Variants in CYP7B1 observed in about 807,000 individuals in gnomAD.
The protein encoded by CYP7B1 is cytochrome P450 7B1.
A neutral mutation model predicts 42.7 loss-of-function variants in CYP7B1; 29 were observed. The observed-to-expected ratio is 0.68, with a 90% CI of 0.51 to 0.93. The LOEUF (loss-of-function observed/expected upper bound fraction) is 0.93, where lower values mean the gene tolerates loss of function less well. Among genes scored for constraint, CYP7B1 ranks in the 40% least tolerant of loss-of-function variants. The probability of loss-of-function intolerance (pLI) is 0.00; values close to 1 mark genes in which losing one functional copy is unlikely to be tolerated. For synonymous variants in CYP7B1, 235 were observed against 218.2 expected (o/e 1.08, Z -0.68); for missense variants, 655 against 600.5 (o/e 1.09, Z -0.95).
chr8:64,701,978 G>A (rs1806923032), intron 1 of CYP7B1, among the ~76,000 whole-genome samples: 2 of 151,916 alleles, frequency 1.3e-5, no homozygotes, highest in Admixed American at 1.3e-4. Flanking sequence ...GCATGGGATC[G>A]ACACAATGGC....
intron 1 of CYP7B1, among the ~76,000 whole-genome samples, chr8:64,729,720 T>C (rs1249581599): frequency 6.6e-6 from 1 of 152,206 alleles, no homozygotes; most frequent in African/African-American, 2.4e-5. Context: ...ATCTTGCCTA[T>C]GTCCTGATGA....
chr8:64,745,563 A>G (rs1807631557), intron 1 of CYP7B1, among the ~76,000 whole-genome samples: 1 of 152,180 alleles, frequency 6.6e-6, no homozygotes. Flanking sequence ...GAAAATTACC[A>G]CTAATACTAA....
chr8:64,703,221 G>A (rs995100175), intron 1 of CYP7B1, among the ~76,000 whole-genome samples: 1 of 151,568 alleles, frequency 6.6e-6, no homozygotes, highest in African/African-American at 2.4e-5. Context: ...CAAAACAGAA[G>A]GTAAGGATGC....
At chr8:64,757,540 T>A (rs538373630) in intron 1 of CYP7B1, among the ~76,000 whole-genome samples, 2 of 152,324 alleles carry the variant, frequency 1.3e-5, no homozygotes, top group South Asian at 4.1e-4. Context: ...CTCCCAGGCC[T>A]ACAGTAGCTA....
intron 1 of CYP7B1, among the ~76,000 whole-genome samples, chr8:64,658,523 G>C (rs1806154963): frequency 6.6e-6 from 1 of 152,004 alleles, no homozygotes; most frequent in South Asian, 2.1e-4. Context: ...CCAGGCTTTA[G>C]TGACTCATCA....
intron 1 of CYP7B1, among the ~76,000 whole-genome samples, chr8:64,789,450 A>G (rs1804582169): frequency 6.6e-6 from 1 of 152,162 alleles, no homozygotes; most frequent in Non-Finnish European, 1.5e-5. Context: ...CCAGTGTTTT[A>G]CTATCTGACT....
chr8:64,593,175 G>A lies in CYP7B1; in HGVS notation c.*3467C>T, dbSNP rs75793658. Among the ~76,000 whole-genome samples the A allele has an allele frequency of 3.1e-4, 47 of 151,448 alleles. No individual in the cohort carries two copies. Among genetic ancestry groups the A allele is most frequent in the Admixed American group, 5.9e-4 (9 of 15,174 alleles). On this transcript the variant is annotated 3_prime_UTR_variant, in exon 6 of 6. Transcript: ENST00000310193. Reference sequence around the variant, plus strand: ...CTTTAGGCAACATGGCGAACTAGACGTCCAAGTACGAAAAGGACAGAGTAT... The same window carrying A: ...CTTTAGGCAACATGGCGAACTAGACATCCAAGTACGAAAAGGACAGAGTAT...
At chr8:64,776,182 T>A (rs950775950) in intron 1 of CYP7B1, among the ~76,000 whole-genome samples, 2 of 152,168 alleles carry the variant, frequency 1.3e-5, no homozygotes, top group Non-Finnish European at 2.9e-5. Context: ...TTACTTGATC[T>A]TACCAATGTT....
Position 64,615,776 on chromosome 8 carries a change from G to A in CYP7B1, c.765C>T (p.Ala255=), listed in dbSNP as rs1477613765. Reference sequence around the variant, plus strand: ...AAACTTCTGACCATCCTTGCATCTTGGCTAACTTTTCTGATGAGAAGCATT... The same window carrying A: ...AAACTTCTGACCATCCTTGCATCTTAGCTAACTTTTCTGATGAGAAGCATT... ...IIKCFSSEKL[A]KMQGWSEVFQ... The change falls in exon 3 of 6, where the codon GCC becomes GCT. Residue 255 remains alanine (A), a synonymous_variant. Coordinates refer to ENST00000310193, the MANE Select transcript of CYP7B1 (RefSeq NM_004820.5). The A allele has an allele frequency of 6.2e-7, 1 of 1,613,684 alleles. No homozygotes were observed. Among genetic ancestry groups the A allele is most frequent in the East Asian group, 2.2e-5 (1 of 44,862 alleles).
intron 1 of CYP7B1, among the ~76,000 whole-genome samples, chr8:64,692,615 T>G (rs1363163354): frequency 6.6e-6 from 1 of 152,196 alleles, no homozygotes; most frequent in South Asian, 2.1e-4. Context: ...TTCCACAGCT[T>G]CATCTGACTT....
intron 1 of CYP7B1, among the ~76,000 whole-genome samples, chr8:64,729,371 C>T (rs1226322518): frequency 2.6e-5 from 4 of 152,186 alleles, no homozygotes; most frequent in Non-Finnish European, 4.4e-5. Context: ...TACAGAGACA[C>T]ATTCAGACAC....
chr8:64,791,255 CT>C (rs1477602187), intron 1 of CYP7B1, among the ~76,000 whole-genome samples: 1 of 152,076 alleles, frequency 6.6e-6, no homozygotes, highest in Non-Finnish European at 1.5e-5. Flanking sequence ...CAAGCAAAAG[CT>C]TTAATAAGGT....
intron 1 of CYP7B1, among the ~76,000 whole-genome samples, chr8:64,651,794 T>C (rs146409600): frequency 1.6e-4 from 25 of 152,326 alleles, no homozygotes; most frequent in Non-Finnish European, 3.1e-4. Context: ...GCCTTGATCT[T>C]GGACTTCCCA....
intron 1 of CYP7B1, among the ~76,000 whole-genome samples, chr8:64,663,463 A>G (rs1806229456): frequency 6.6e-6 from 1 of 152,272 alleles, no homozygotes; most frequent in Non-Finnish European, 1.5e-5. Context: ...TCTGAATCAG[A>G]TGACACAGCT....
At chr8:64,742,308 A>G (rs1807581777) in intron 1 of CYP7B1, among the ~76,000 whole-genome samples, 1 of 152,120 alleles carries the variant, frequency 6.6e-6, no homozygotes, top group Non-Finnish European at 1.5e-5. Context: ...AGTCCCAAAC[A>G]TCGTTTTAAT....
rs77313743 is a variant in CYP7B1, at chr8:64,697,887, C to T, written c.123-73348G>A. 1.1e-3 allele frequency among the ~76,000 whole-genome samples: 170 copies of T among 152,312 alleles called. No homozygotes were observed. In the Middle Eastern group the frequency reaches 0.027, roughly 24 times the overall value. On this transcript the variant is annotated intron_variant, in intron 1 of 5. Coordinates refer to ENST00000310193, the MANE Select transcript of CYP7B1 (RefSeq NM_004820.5). ...ACCAAAAACAAAACCAGTTTGTGCT[C>T]TTCAGTTTTCATTTTTTAAATCCTG...
chr8:64,619,276 G>A (rs1162295044), intron 2 of CYP7B1, among the ~76,000 whole-genome samples: 2 of 152,120 alleles, frequency 1.3e-5, no homozygotes, highest in Admixed American at 6.6e-5. Context: ...TCTGAAGGCC[G>A]TGTATTCTTG....
intron 4 of CYP7B1, among the ~76,000 whole-genome samples, chr8:64,607,728 C>T (rs1330832163): frequency 6.6e-6 from 1 of 152,216 alleles, no homozygotes; most frequent in Non-Finnish European, 1.5e-5. Context: ...CATTAATGCA[C>T]TTGGCTTTCA....
chr8:64,689,721 T>C (rs1007210031), intron 1 of CYP7B1, among the ~76,000 whole-genome samples: 4 of 152,028 alleles, frequency 2.6e-5, no homozygotes, highest in African/African-American at 9.7e-5. Context: ...TGTGCGCCAC[T>C]ACTGCCCGGC....
Sources: gnomAD v4.1 joint callset for allele counts (sites outside exome capture counted in the v4.1 genomes callset) on GRCh38, gnomAD v4.1.1 for gene constraint, MANE v1.5 for transcripts, NCBI Gene and HGNC (gene_info 2026-07-23, HGNC 2026-07-21) for gene names.